Variants in CCNY observed in about 807,000 individuals in gnomAD.
CCNY encodes the protein cyclin Y.
In CCNY, 19 loss-of-function variants were observed where a neutral mutation model predicts 42.8. That is an observed-to-expected ratio of 0.44 (90% CI 0.31 to 0.65). The LOEUF (loss-of-function observed/expected upper bound fraction) is 0.65, where lower values mean the gene tolerates loss of function less well. CCNY is among the 30% of genes least tolerant of loss of function. The pLI is 0.07. For missense variants in CCNY, 370 were observed against 437.3 expected (o/e 0.85, Z 1.37); for synonymous variants, 165 against 162.7 (o/e 1.01, Z -0.11).
chr10:35,393,526 G>A (rs1288783709), intron 1 of CCNY, among the ~76,000 whole-genome samples: 1 of 152,190 alleles, frequency 6.6e-6, no homozygotes, highest in Non-Finnish European at 1.5e-5. Flanking sequence ...GTTGTTCCTG[G>A]AGACTTTGCG....
chr10:35,315,832 T>C (rs1589032397), intron 3 of CCNY, among the ~76,000 whole-genome samples: 1 of 152,198 alleles, frequency 6.6e-6, no homozygotes, highest in Non-Finnish European at 1.5e-5. Context: ...ATCTTACCCA[T>C]TTTTAATTAT....
intron 4 of CCNY, 34 bp downstream of exon 4, chr10:35,516,657 CTTCCTTTTTT>C (rs2135408041): frequency 1.2e-6 from 1 of 808,686 alleles, no homozygotes; most frequent in African/African-American, 2.5e-5. Context: ...TCCTTCCTTC[CTTCCTTTTTT>C]TTTTTTTTTT....
At chr10:35,331,102 C>T (rs1023352438) in intron 3 of CCNY, among the ~76,000 whole-genome samples, 2 of 152,216 alleles carry the variant, frequency 1.3e-5, no homozygotes, top group African/African-American at 2.4e-5. Context: ...CGTCCACTCA[C>T]ATCTTATTGG....
chr10:35,543,823 G>A (rs371425994), intron 7 of CCNY, among the ~76,000 whole-genome samples: 10 of 152,300 alleles, frequency 6.6e-5, no homozygotes, highest in African/African-American at 2.4e-4. Context: ...CTGGCAGTGG[G>A]GCAAGATATG....
chr10:35,366,318 A>AT lies in CCNY; in HGVS notation c.154+29113dup, dbSNP rs374956258. Among the ~76,000 whole-genome samples the AT allele has an allele frequency of 2.2e-3, 334 of 152,342 alleles. 1 individual carries two copies. The highest frequency in any genetic ancestry group is 7.6e-3 in the African/African-American group (318 of 41,576). ...ATGTGATTTGGGGCTTCATGTATAA[A>AT]TTGAGTGATCAGACTTTCTAATTCT... On this transcript the variant is annotated intron_variant, in intron 1 of 9. Coordinates refer to ENST00000374704, the MANE Select transcript of CCNY (RefSeq NM_145012.6).
intron 4 of CCNY, 23 bp downstream of exon 4, chr10:35,516,646 T>A: frequency 9.3e-7 from 1 of 1,075,180 alleles, no homozygotes; most frequent in Non-Finnish European, 1.3e-6. Flanking sequence ...ATTTATTTCC[T>A]TCCTTCCTTC....
chr10:35,510,033 G>T (rs1035138218), intron 3 of CCNY, among the ~76,000 whole-genome samples: 1 of 152,042 alleles, frequency 6.6e-6, no homozygotes, highest in East Asian at 1.9e-4. Context: ...AGTGCAAGTG[G>T]CCAGTTCTCT....
intron 8 of CCNY, among the ~76,000 whole-genome samples, chr10:35,556,567 G>A (rs773848440): frequency 7.9e-5 from 12 of 152,180 alleles, no homozygotes; most frequent in Non-Finnish European, 1.3e-4. Flanking sequence ...AAACAATTGC[G>A]TATATGGATA....
chr10:35,395,922 C>A (rs545001312), intron 1 of CCNY, among the ~76,000 whole-genome samples: 1 of 152,166 alleles, frequency 6.6e-6, no homozygotes, highest in East Asian at 1.9e-4. Context: ...TTTACAGCAT[C>A]CCCAGCTGGC....
Position 35,337,016 on chromosome 10 carries a change from A to C in CCNY, c.-38A>C, listed in dbSNP as rs373946039. Reference sequence around the variant, plus strand: ...CCGCGCCCCGCTCCCGGGGACTGGGAGAACAGGATAGCAGCAGGAGTCGGG... The same window carrying C: ...CCGCGCCCCGCTCCCGGGGACTGGGCGAACAGGATAGCAGCAGGAGTCGGG... On this transcript the variant is annotated 5_prime_UTR_variant, in exon 1 of 10. Transcript: ENST00000374704. 2.5e-5 allele frequency: 35 copies of C among 1,412,082 alleles called. No individual in the cohort carries two copies. Among genetic ancestry groups the C allele is most frequent in the Non-Finnish European group, 3.1e-5 (33 of 1,064,156 alleles). 87.5% of individuals were successfully genotyped at this position (1,412,082 alleles called of 1,614,324 possible). A position where few individuals can be genotyped will look rare whatever the true frequency, so the allele number is the denominator to read the frequency against.
rs534997305 is a variant in CCNY, at chr10:35,389,218, T to C, written c.154+52011T>C. 2.6e-5 allele frequency among the ~76,000 whole-genome samples: 4 copies of C among 152,262 alleles called. No homozygotes were observed. The East Asian group carries it at 7.7e-4, about 29-fold the overall frequency. ...ATATTAGAAGTTGTCTGTTTATATA[T>C]ATTTTATTGCTGCTACTACTACTAC... On this transcript the variant is annotated intron_variant, in intron 1 of 9. Coordinates refer to ENST00000374704, the MANE Select transcript of CCNY (RefSeq NM_145012.6).
chr10:35,545,282 TC>T (rs1327155320), intron 7 of CCNY, among the ~76,000 whole-genome samples: 2 of 152,156 alleles, frequency 1.3e-5, no homozygotes, highest in African/African-American at 2.4e-5. Flanking sequence ...TTCTGTTAAT[TC>T]CCTGGGGCTG....
Position 35,496,851 on chromosome 10 carries a change from C to T in CCNY, c.230-4650C>T, listed in dbSNP as rs79780754. ...TGTGACATTGTGGCAAGAGAGTGTC[C>T]CATAGCAACTTAAGTGTAATTTTGT... On this transcript the variant is annotated intron_variant, in intron 2 of 9. Coordinates refer to ENST00000374704, the MANE Select transcript of CCNY (RefSeq NM_145012.6). 5.0e-3 allele frequency among the ~76,000 whole-genome samples: 760 copies of T among 152,188 alleles called. 6 individuals are homozygous for T. The highest frequency in any genetic ancestry group is 0.01 in the Middle Eastern group (3 of 294).
chr10:35,456,072 G>A (rs943919830), intron 1 of CCNY, among the ~76,000 whole-genome samples: 1 of 152,104 alleles, frequency 6.6e-6, no homozygotes, highest in African/African-American at 2.4e-5. Flanking sequence ...TTCTGCTCAT[G>A]TTTTTCCCCA....
chr10:35,279,706 G>C (rs950609529), intron 3 of CCNY, among the ~76,000 whole-genome samples: 2 of 152,208 alleles, frequency 1.3e-5, no homozygotes, highest in Admixed American at 1.3e-4. Context: ...CTGCCCATGG[G>C]ACCTGAGTCC....
intron 2 of CCNY, among the ~76,000 whole-genome samples, chr10:35,250,186 T>C (rs1474400731): frequency 9.1e-6 from 1 of 109,802 alleles, no homozygotes; most frequent in Non-Finnish European, 1.7e-5. Context: ...AGAGTGAGAC[T>C]CCATCTCAAA....
At position 35,434,963 on chromosome 10, in the gene CCNY, A is replaced by T. The variant is rs138169325; in HGVS notation, c.155-48441A>T. ...TTACTTTGAGAATGTCAGAGAACAG[A>T]ATGATCTGTGCTGAGCGCTGTGAGA... On this transcript the variant is annotated intron_variant, in intron 1 of 9. Coordinates refer to ENST00000374704, the MANE Select transcript of CCNY (RefSeq NM_145012.6). Among the ~76,000 whole-genome samples, 32 of 152,318 alleles carry T rather than the reference A, an allele frequency of 2.1e-4. 1 individual carries two copies. Among genetic ancestry groups the T allele is most frequent in the African/African-American group, 7.5e-4 (31 of 41,564 alleles).
chr10:35,419,020 C>A (rs1269937348), intron 1 of CCNY, among the ~76,000 whole-genome samples: 1 of 151,964 alleles, frequency 6.6e-6, no homozygotes. Flanking sequence ...GGGGTTTCAC[C>A]ATGTTGGCCA....
intron 3 of CCNY, among the ~76,000 whole-genome samples, chr10:35,255,635 C>T (rs564957495): frequency 6.6e-6 from 1 of 152,224 alleles, no homozygotes; most frequent in South Asian, 2.1e-4. Context: ...CTCTCTGCCG[C>T]CCAGGCTGGA....
Sources: allele counts gnomAD v4.1 joint callset (sites outside exome capture counted in the v4.1 genomes callset), GRCh38; gene constraint gnomAD v4.1.1; transcripts MANE v1.5; gene names NCBI Gene and HGNC (gene_info 2026-07-23, HGNC 2026-07-21).